FUT8: variants seen among roughly 807,000 people sequenced by gnomAD.
FUT8 encodes fucosyltransferase 8, also known as alpha-(1,6)-fucosyltransferase.
A neutral mutation model predicts 71.3 loss-of-function variants in FUT8; 29 were observed. The ratio of observed to expected loss-of-function variants is 0.41; its 90% CI spans 0.30 to 0.55. The LOEUF is 0.55. Among genes scored for constraint, FUT8 ranks in the 20% least tolerant of loss-of-function variants. The probability of loss-of-function intolerance (pLI) is 0.34; values close to 1 mark genes in which losing one functional copy is unlikely to be tolerated. For missense variants in FUT8, 544 were observed against 702.1 expected, an observed-to-expected ratio of 0.77 and a Z score of 2.55; for synonymous variants, 254 against 239.3, an observed-to-expected ratio of 1.06 and a Z score of -0.57.
At chr14:65,650,326 A>T (rs1353480213) in intron 6 of FUT8, among the ~76,000 whole-genome samples, 1 of 148,160 alleles carries the variant, frequency 6.7e-6, no homozygotes, top group Non-Finnish European at 1.5e-5. Context: ...AAAAAAAAAA[A>T]ACCTGAGACT....
At chr14:65,634,164 C>T (rs140966001) in intron 6 of FUT8, among the ~76,000 whole-genome samples, 121,463 of 148,220 alleles carry the variant, frequency 0.82, 49,985 homozygotes, top group East Asian at 1. Flanking sequence ...GGATGGTTGC[C>T]GTGTCTGTGT....
At chr14:65,604,539 T>G (rs1888469185) in intron 3 of FUT8, among the ~76,000 whole-genome samples, 1 of 151,866 alleles carries the variant, frequency 6.6e-6, no homozygotes, top group South Asian at 2.1e-4. Context: ...AACTAAAAAA[T>G]TCCTCAAACT....
intron 3 of FUT8, among the ~76,000 whole-genome samples, chr14:65,567,910 T>C (rs1015819463): frequency 1.3e-4 from 20 of 152,046 alleles, no homozygotes; most frequent in African/African-American, 4.8e-4. Context: ...TCTTTCAGGT[T>C]ATCAAGGTTT....
intron 6 of FUT8, among the ~76,000 whole-genome samples, chr14:65,651,471 A>G (rs1005238811): frequency 4.6e-5 from 7 of 152,230 alleles, no homozygotes; most frequent in Non-Finnish European, 1.0e-4. Flanking sequence ...CAAAGTAGAA[A>G]ATTTAAACAA....
chr14:65,579,853 A>G (rs1432323226), intron 3 of FUT8, among the ~76,000 whole-genome samples: 4 of 152,044 alleles, frequency 2.6e-5, no homozygotes, highest in Non-Finnish European at 5.9e-5. Flanking sequence ...TCACCTTTCT[A>G]CAAGAATATG....
chr14:65,632,367 C>T (rs997253599), intron 6 of FUT8, among the ~76,000 whole-genome samples: 3 of 152,138 alleles, frequency 2.0e-5, no homozygotes, highest in Non-Finnish European at 2.9e-5. Flanking sequence ...CTCTGATCAC[C>T]GCATCCAGGC....
chr14:65,396,826 A>T, the FUT8 span, among the ~76,000 whole-genome samples: 1 of 152,176 alleles, frequency 6.6e-6, no homozygotes, highest in East Asian at 1.9e-4. This position sits in a 1 kb window ranked among gnomAD's most constrained non-coding sequence, Gnocchi z 5.5. Flanking sequence ...ATAAATATTT[A>T]TTTAGTTTTA....
intron 2 of FUT8, among the ~76,000 whole-genome samples, chr14:65,553,618 T>C (rs973195525): frequency 7.9e-5 from 12 of 152,132 alleles, no homozygotes; most frequent in African/African-American, 2.2e-4. Context: ...TTTAACTTTT[T>C]TTTTCTGGAA....
intron 1 of FUT8, among the ~76,000 whole-genome samples, chr14:65,425,987 A>G (rs550175965): frequency 3.3e-4 from 50 of 152,140 alleles, no homozygotes; most frequent in Non-Finnish European, 6.3e-4. Context: ...AAAAAAAAAA[A>G]AAATCTACTT....
intron 5 of FUT8, 38 bp downstream of exon 5, chr14:65,616,411 A>C: frequency 1.8e-5 from 26 of 1,480,036 alleles, no homozygotes; most frequent in Non-Finnish European, 2.4e-5. Context: ...GGGCTTTAGA[A>C]AAGATTATAA....
chr14:65,597,801 A>G (rs1028680727), intron 3 of FUT8, among the ~76,000 whole-genome samples: 3 of 152,138 alleles, frequency 2.0e-5, no homozygotes, highest in Admixed American at 2.0e-4. Context: ...ATGGACAACT[A>G]AATCAGTTTA....
chr14:65,584,596 T>C (rs1887274083), intron 3 of FUT8, among the ~76,000 whole-genome samples: 1 of 152,204 alleles, frequency 6.6e-6, no homozygotes. Flanking sequence ...GGGATAAAGA[T>C]AGAAATATAA....
chr14:65,509,987 A>G (rs904917779), intron 2 of FUT8, among the ~76,000 whole-genome samples: 5 of 152,140 alleles, frequency 3.3e-5, no homozygotes, highest in Non-Finnish European at 7.4e-5. Flanking sequence ...AATAGTGGTG[A>G]AAGTGGGCAT....
At chr14:65,693,723 T>C (rs1169629413) in intron 7 of FUT8, among the ~76,000 whole-genome samples, 1 of 152,252 alleles carries the variant, frequency 6.6e-6, no homozygotes, top group Non-Finnish European at 1.5e-5. Flanking sequence ...TTAGGAAGGA[T>C]TCCTTCTGTT....
intron 7 of FUT8, among the ~76,000 whole-genome samples, chr14:65,713,808 A>T (rs1594927736): frequency 6.6e-6 from 1 of 151,880 alleles, no homozygotes; most frequent in Non-Finnish European, 1.5e-5. Context: ...GTTTGCAAAT[A>T]TTTTCTCCCA....
At chr14:65,567,069 T>C (rs1389464038) in intron 3 of FUT8, among the ~76,000 whole-genome samples, 1 of 151,982 alleles carries the variant, frequency 6.6e-6, no homozygotes, top group African/African-American at 2.4e-5. Flanking sequence ...AATTGACAAC[T>C]TTCCTTTTAA....
At chr14:65,417,249 T>C (rs2065232191) in intron 1 of FUT8, among the ~76,000 whole-genome samples, 1 of 152,136 alleles carries the variant, frequency 6.6e-6, no homozygotes, top group Non-Finnish European at 1.5e-5. Context: ...TTGTAAGATT[T>C]TTAAAAAATG....
At chr14:65,729,931 A>G (rs1895889415) in intron 9 of FUT8, among the ~76,000 whole-genome samples, 1 of 148,248 alleles carries the variant, frequency 6.7e-6, no homozygotes, top group South Asian at 2.2e-4. Flanking sequence ...TTTTATTTTT[A>G]TTTTCGACTT....
chr14:65,538,942 C>A (rs1594751763), intron 2 of FUT8, among the ~76,000 whole-genome samples: 1 of 150,042 alleles, frequency 6.7e-6, no homozygotes, highest in Admixed American at 6.7e-5. Flanking sequence ...CAAAACAAAA[C>A]AAACACAAAA....
Sources: allele counts gnomAD v4.1 joint callset (sites outside exome capture counted in the v4.1 genomes callset), GRCh38; gene constraint gnomAD v4.1.1; non-coding constraint Gnocchi (gnomAD v3.1); transcripts MANE v1.5; gene names NCBI Gene and HGNC (gene_info 2026-07-23, HGNC 2026-07-21).